The following CDHR2 variants were observed in gnomAD, a reference collection of about 807,000 sequenced individuals.
The protein encoded by CDHR2 is cadherin related family member 2.
A neutral mutation model predicts 138.6 loss-of-function variants in CDHR2; 104 were observed. The observed-to-expected ratio is 0.75, with a 90% CI of 0.64 to 0.88. CDHR2 has a LOEUF of 0.88. CDHR2 is among the 40% of genes least tolerant of loss of function. The pLI, the probability that CDHR2 is intolerant of heterozygous loss-of-function variation, is 0.00. For synonymous variants in CDHR2, 755 were observed against 742.8 expected (o/e 1.02, Z -0.27); for missense variants, 1,624 against 1,727.6 (o/e 0.94, Z 1.06).
At position 176,575,534 on chromosome 5, in the gene CDHR2, T is replaced by A; in HGVS notation, c.797T>A (p.Val266Glu). ...ACCTCGGTGCTGACGGTGGAGGCTG[T>A]GGATGGCGACAAAGGCATCAATGAC... is the stretch of plus-strand genomic sequence containing the variant. ...KGTSVLTVEA[V>E]DGDKGINDPV... Residue 266 changes from valine to glutamate, a missense_variant, in exon 10 of 32, where the codon GTG becomes GAG. Coordinates refer to ENST00000261944, the MANE Select transcript of CDHR2 (RefSeq NM_017675.6). 1 of 1,614,122 alleles carries A rather than the reference T, an allele frequency of 6.2e-7. No individual in the cohort carries two copies. Among genetic ancestry groups the A allele is most frequent in the Non-Finnish European group, 8.5e-7 (1 of 1,180,018 alleles).
Position 176,564,774 on chromosome 5 carries a change from AC to A in CDHR2, c.-15-563del, listed in dbSNP as rs531477617. Among the ~76,000 whole-genome samples the A allele has an allele frequency of 3.5e-4, 53 of 152,088 alleles. 1 individual carries two copies. In the South Asian group the frequency reaches 0.011, roughly 32 times the overall value. On this transcript the variant is annotated intron_variant, in intron 1 of 31. Transcript: ENST00000261944. ...GCACAGTTTGGGAAAGGCTGCAAAG[AC>A]AGCCACTAGATGTATCAGCAGGTGA...
chr5:176,556,161 G>T (rs1018217847), intron 1 of CDHR2, among the ~76,000 whole-genome samples: 1 of 152,096 alleles, frequency 6.6e-6, no homozygotes, highest in Non-Finnish European at 1.5e-5. Context: ...TGGGACTCCC[G>T]CATAACAGTG....
At chr5:176,593,241 G>GTT (rs201794311) in intron 31 of CDHR2, among the ~76,000 whole-genome samples, 3,517 of 152,312 alleles carry the variant, frequency 0.023, 134 homozygotes, top group African/African-American at 0.079. Context: ...CTGTTAAACA[G>GTT]GTGAGTTGGT....
chr5:176,561,917 G>A (rs1397687990), intron 1 of CDHR2, among the ~76,000 whole-genome samples: 1 of 152,196 alleles, frequency 6.6e-6, no homozygotes, highest in African/African-American at 2.4e-5. Context: ...TGGGATTACA[G>A]GCATGAGCCA....
chr5:176,557,712 T>TCCTTCCTTCCTTCC (rs1561866775), intron 1 of CDHR2, among the ~76,000 whole-genome samples: 21 of 146,224 alleles, frequency 1.4e-4, no homozygotes, highest in African/African-American at 4.5e-4. Context: ...CTTTCTTTCT[T>TCCTTCCTTCCTTCC]TTTTTTTTAT....
At chr5:176,581,319 A>C in intron 16 of CDHR2, 24 bp from the exon 17 acceptor site, 1 of 1,610,022 alleles carries the variant, frequency 6.2e-7, no homozygotes, top group Non-Finnish European at 8.5e-7. Flanking sequence ...ATGGCCGATG[A>C]CCAACCCCTG....
At chr5:176,570,833 C>T (rs1015366307) in intron 5 of CDHR2, among the ~76,000 whole-genome samples, 4 of 151,824 alleles carry the variant, frequency 2.6e-5, no homozygotes, top group Non-Finnish European at 4.4e-5. Context: ...TGTCTGTAAT[C>T]CCAGCTACTC....
At chr5:176,544,375 CT>C (rs33922574), upstream of CDHR2, among the ~76,000 whole-genome samples, 23 of 146,220 alleles carry the variant, frequency 1.6e-4, no homozygotes, top group African/African-American at 5.6e-4. Flanking sequence ...TCTTTCTTTC[CT>C]TTTTTTCTTC....
intron 1 of CDHR2, among the ~76,000 whole-genome samples, chr5:176,559,868 T>A (rs1757926288): frequency 6.6e-6 from 1 of 152,196 alleles, no homozygotes. Context: ...GGGTTGCTAC[T>A]GGCATCTAGT....
chr5:176,585,865 G>T, intron 19 of CDHR2, 89 bp from the exon 20 acceptor site: 1 of 1,011,738 alleles, frequency 9.9e-7, no homozygotes, highest in South Asian at 1.3e-5. Flanking sequence ...CGGGGCATGG[G>T]GTTGAGGCTG....
At chr5:176,549,448 G>A (rs1467532887) in intron 1 of CDHR2, 34 bp downstream of exon 1, 1 of 152,224 alleles carries the variant, frequency 6.6e-6, no homozygotes, top group African/African-American at 2.4e-5. Context: ...GGGTCTCTGG[G>A]CCAGAGAAAT....
intron 2 of CDHR2, 69 bp from the exon 3 acceptor site, chr5:176,565,603 C>T: frequency 6.9e-7 from 1 of 1,444,418 alleles, no homozygotes. Context: ...GTGTGTGCTC[C>T]CAGGGGAGCA....
chr5:176,549,921 G>A lies in CDHR2; in HGVS notation c.-16+507G>A, dbSNP rs555505349. ...AGGGCCTGAAAAGCCCTGAGGCAAA[G>A]GTGAGCATGTGGCCTATGACCGAGC... is the stretch of plus-strand genomic sequence containing the variant. On this transcript the variant is annotated intron_variant, in intron 1 of 31. Coordinates refer to ENST00000261944, the MANE Select transcript of CDHR2 (RefSeq NM_017675.6). Among the ~76,000 whole-genome samples, 5 of 152,350 alleles carry A rather than the reference G, an allele frequency of 3.3e-5. No homozygotes were observed. The South Asian group carries it at 1.0e-3, about 32-fold the overall frequency.
chr5:176,566,930 A>G (rs918507341), intron 3 of CDHR2: 1 of 456,290 alleles, frequency 2.2e-6, no homozygotes, highest in Admixed American at 2.3e-5. Flanking sequence ...GGGACAAGCC[A>G]CAGCCTTTGT....
chr5:176,595,915 C>T (rs116373545), downstream of CDHR2: 967 of 395,006 alleles, frequency 2.4e-3, 6 homozygotes, highest in Non-Finnish European at 3.8e-3. Context: ...GCTCACAGCA[C>T]AGGGGGGACA....
At chr5:176,570,029 G>T (rs1758187518) in intron 5 of CDHR2, among the ~76,000 whole-genome samples, 2 of 152,100 alleles carry the variant, frequency 1.3e-5, no homozygotes, top group South Asian at 4.1e-4. Context: ...TCCCACTGAA[G>T]TGTTGACCGT....
chr5:176,545,704 G>A (rs934777435), upstream of CDHR2, among the ~76,000 whole-genome samples: 4 of 152,220 alleles, frequency 2.6e-5, no homozygotes, highest in South Asian at 4.1e-4. Flanking sequence ...AAGTGGTGGT[G>A]GGGATTAGGA....
rs772368845 is a variant in CDHR2 at position 176,553,497 on chromosome 5, C to T, written c.-16+4083C>T. The stretch of plus-strand genomic sequence containing the variant: ...TAATGATGATGAATCCATCTTGATA[C>T]CTGCTGGCTGCACACCTAGTGACTA... On this transcript the variant is annotated intron_variant, in intron 1 of 31. Transcript: ENST00000261944. This position sits in a 1 kb window ranked among gnomAD's most constrained non-coding sequence, Gnocchi z 4.3. Among the ~76,000 whole-genome samples the T allele has an allele frequency of 1.1e-4, 17 of 152,282 alleles. No individual in the cohort carries two copies. Among genetic ancestry groups the T allele is most frequent in the Middle Eastern group, 6.8e-3 (2 of 294 alleles).
Position 176,543,355 on chromosome 5 carries a change from C to CCTGCCGCGG in CDHR2, c.-16+588_-16+596dup, listed in dbSNP as rs1371578011. On this transcript the variant is annotated intron_variant, in intron 1 of 31. Coordinates refer to the CDHR2 transcript ENST00000510636. The surrounding 1 kb of genome is among the most constrained non-coding windows in gnomAD (Gnocchi z 4.0). Reference sequence around the variant, plus strand: ...CGGTGCGGCTGCGGCCCGCGCGCCGCCTGCCGCGGCCCCTCTCCGGCCCGG... The same window carrying CCTGCCGCGG: ...CGGTGCGGCTGCGGCCCGCGCGCCGCCTGCCGCGGCTGCCGCGGCCCCTCTCCGGCCCGG... 1.3e-5 allele frequency among the ~76,000 whole-genome samples: 2 copies of CCTGCCGCGG among 148,816 alleles called. No individual in the cohort carries two copies. The highest frequency in any genetic ancestry group is 4.9e-5 in the African/African-American group (2 of 41,084).
Sources: allele counts gnomAD v4.1 joint callset (sites outside exome capture counted in the v4.1 genomes callset), GRCh38; gene constraint gnomAD v4.1.1; non-coding constraint Gnocchi (gnomAD v3.1); transcripts MANE v1.5; gene names NCBI Gene and HGNC (gene_info 2026-07-23, HGNC 2026-07-21).